The following PLS1 variants were observed in gnomAD, a reference collection of about 807,000 sequenced individuals.
PLS1 encodes the protein plastin-1.
PLS1 carries 32 observed loss-of-function variants against 73.7 expected under a neutral mutation model. The ratio of observed to expected loss-of-function variants is 0.43; its 90% confidence interval spans 0.33 to 0.58. PLS1 has a LOEUF of 0.58. Among genes scored for constraint, PLS1 ranks in the 20% least tolerant of loss-of-function variants. PLS1 has a pLI of 0.04. For missense variants in PLS1, 633 were observed against 740.5 expected, an observed-to-expected ratio of 0.85 and a Z score of 1.68; for synonymous variants, 217 against 261.3, an observed-to-expected ratio of 0.83 and a Z score of 1.63.
chr3:142,709,537 C>T (rs1933011562), intron 14 of PLS1, among the ~76,000 whole-genome samples: 1 of 152,138 alleles, frequency 6.6e-6, no homozygotes, highest in Non-Finnish European at 1.5e-5. Flanking sequence ...ATAAATGAGG[C>T]CGGGCACAGT....
chr3:142,675,451 C>T (rs1270747166), intron 4 of PLS1, among the ~76,000 whole-genome samples: 3 of 152,032 alleles, frequency 2.0e-5, no homozygotes, highest in South Asian at 2.1e-4. Flanking sequence ...GGCGCGATCT[C>T]GGTTCACTGC....
intron 1 of PLS1, among the ~76,000 whole-genome samples, chr3:142,607,354 A>C (rs939478594): frequency 2.0e-5 from 3 of 152,148 alleles, no homozygotes; most frequent in African/African-American, 7.2e-5. Flanking sequence ...ATCTCGGCTC[A>C]CTGCAACCTC....
At chr3:142,681,334 C>T (rs1216625180) in intron 6 of PLS1, among the ~76,000 whole-genome samples, 1 of 152,024 alleles carries the variant, frequency 6.6e-6, no homozygotes, top group East Asian at 1.9e-4. Flanking sequence ...TTTCAGTAAT[C>T]ATGGATATTA....
At chr3:142,661,409 A>T (rs1577856004) in intron 1 of PLS1, among the ~76,000 whole-genome samples, 1 of 152,214 alleles carries the variant, frequency 6.6e-6, no homozygotes, top group Non-Finnish European at 1.5e-5. Flanking sequence ...AGACCAAAAG[A>T]TTAATTGCAC....
intron 1 of PLS1, among the ~76,000 whole-genome samples, chr3:142,643,095 A>T (rs570516784): frequency 6.6e-6 from 1 of 152,284 alleles, no homozygotes; most frequent in South Asian, 2.1e-4. Context: ...ATGATGGGTG[A>T]GAGAGGTTGC....
intron 1 of PLS1, among the ~76,000 whole-genome samples, chr3:142,639,983 A>G (rs1049661874): frequency 6.6e-5 from 10 of 152,222 alleles, no homozygotes; most frequent in Non-Finnish European, 1.5e-4. Flanking sequence ...CGAAGCCTCG[A>G]AAAACCAAGT....
At chr3:142,607,561 A>T (rs1226561782) in intron 1 of PLS1, among the ~76,000 whole-genome samples, 1 of 152,250 alleles carries the variant, frequency 6.6e-6, no homozygotes, top group East Asian at 1.9e-4. Flanking sequence ...GGCGTGAGCC[A>T]CTGCTCCCGG....
Position 142,686,267 on chromosome 3 carries a change from C to T in PLS1, c.889-17C>T, listed in dbSNP as rs1317552186. ...TTTATTCGTTTTAAAAATGCTATTTCATATCTTTCCTTGAAGGACTCGAGA... is the reference window on the plus strand; with the variant it reads ...TTTATTCGTTTTAAAAATGCTATTTTATATCTTTCCTTGAAGGACTCGAGA... On this transcript the variant is annotated splice_polypyrimidine_tract_variant and intron_variant, in intron 8 of 15. Transcript: ENST00000457734. 6.8e-7 allele frequency: 1 copy of T among 1,460,322 alleles called. No individual in the cohort carries two copies. Among genetic ancestry groups the T allele is most frequent in the Admixed American group, 1.7e-5 (1 of 58,810 alleles). The allele number at this position is 1,460,322 out of a possible 1,614,324, so 90.5% of individuals were successfully genotyped here.
intron 1 of PLS1, among the ~76,000 whole-genome samples, chr3:142,643,933 G>A (rs373827274): frequency 6.7e-6 from 1 of 149,488 alleles, no homozygotes; most frequent in Non-Finnish European, 1.5e-5. Context: ...GGGTTCAAGC[G>A]ATTCTCCTGC....
At chr3:142,700,697 T>C (rs1363620275) in intron 12 of PLS1, among the ~76,000 whole-genome samples, 2 of 152,206 alleles carry the variant, frequency 1.3e-5, no homozygotes, top group African/African-American at 4.8e-5. Flanking sequence ...GTCTAAATGA[T>C]CTAAGCTTCA....
intron 1 of PLS1, among the ~76,000 whole-genome samples, chr3:142,599,217 A>AAAT (rs2035868609): frequency 2.1e-5 from 3 of 141,672 alleles, no homozygotes; most frequent in Admixed American, 6.8e-5. Flanking sequence ...AATAAATAAA[A>AAAT]AGTGCATTTT....
intron 1 of PLS1, among the ~76,000 whole-genome samples, chr3:142,662,555 C>T (rs34713498): frequency 4.6e-5 from 7 of 152,194 alleles, no homozygotes; most frequent in Middle Eastern, 3.4e-3. Context: ...TATCCCAGAA[C>T]TTAAAGTATA....
At position 142,631,221 on chromosome 3, in the gene PLS1, A is replaced by C. The variant is rs559432872; in HGVS notation, c.-36-32981A>C. Among the ~76,000 whole-genome samples the C allele has an allele frequency of 2.0e-5, 3 of 151,624 alleles. No homozygotes were observed. In the South Asian group the frequency reaches 6.3e-4, roughly 32 times the overall value. On this transcript the variant is annotated intron_variant, in intron 1 of 15. Transcript: ENST00000457734. ...GCAAAATCCTGTCTCTATAAAAAAT[A>C]CAAAAAAAAAAGGCCAGCATGGTGG...
At chr3:142,708,805 T>C (rs1342408720) in intron 14 of PLS1, among the ~76,000 whole-genome samples, 1 of 152,206 alleles carries the variant, frequency 6.6e-6, no homozygotes, top group East Asian at 1.9e-4. Context: ...TAAAATGTCT[T>C]TCACTGATAA....
At chr3:142,645,424 G>A (rs914291925) in intron 1 of PLS1, 3 of 152,208 alleles carry the variant, frequency 2.0e-5, no homozygotes, top group African/African-American at 7.2e-5. Context: ...TGTTTTAGAG[G>A]TTAAAGTTTA....
intron 14 of PLS1, among the ~76,000 whole-genome samples, chr3:142,708,537 C>T (rs998733223): frequency 3.3e-5 from 5 of 152,170 alleles, no homozygotes; most frequent in East Asian, 1.9e-4. Flanking sequence ...TGAGCCACCA[C>T]GCCCGGCCTT....
intron 14 of PLS1, among the ~76,000 whole-genome samples, chr3:142,710,608 C>T (rs1933077219): frequency 6.6e-6 from 1 of 152,076 alleles, no homozygotes; most frequent in Non-Finnish European, 1.5e-5. Context: ...GTCAGCTTTC[C>T]TTGAAGCTGA....
chr3:142,633,867 C>T (rs1481644731), intron 1 of PLS1, among the ~76,000 whole-genome samples: 2 of 152,096 alleles, frequency 1.3e-5, no homozygotes, highest in African/African-American at 4.8e-5. Flanking sequence ...GAAAATCTGT[C>T]AATCAAAACT....
intron 1 of PLS1, among the ~76,000 whole-genome samples, chr3:142,629,527 C>T (rs2036507305): frequency 1.3e-5 from 2 of 152,140 alleles, no homozygotes; most frequent in East Asian, 1.9e-4. Flanking sequence ...ATATAAAGTT[C>T]CTGGCACATA....
Sources: allele counts gnomAD v4.1 joint callset (sites outside exome capture counted in the v4.1 genomes callset), GRCh38; gene constraint gnomAD v4.1.1; transcripts MANE v1.5; gene names NCBI Gene and HGNC (gene_info 2026-07-23, HGNC 2026-07-21).